DGKB: variants seen among roughly 807,000 people sequenced by gnomAD.
The protein encoded by DGKB is 90 kDa diacylglycerol kinase.
A neutral mutation model predicts 114.3 loss-of-function variants in DGKB; 67 were observed. The observed-to-expected ratio is 0.59, with a 90% CI of 0.48 to 0.72. DGKB has a LOEUF of 0.72. Ranked by LOEUF, DGKB falls within the 30% of genes least tolerant of loss-of-function variation. DGKB has a pLI of 0.00. For synonymous variants in DGKB, 398 were observed against 323.1 expected (o/e 1.23, Z -2.49); for missense variants, 907 against 975.2 (o/e 0.93, Z 0.93).
chr7:14,187,381 A>C (rs1248020676), intron 23 of DGKB, among the ~76,000 whole-genome samples: 1 of 152,088 alleles, frequency 6.6e-6, no homozygotes, highest in African/African-American at 2.4e-5. Context: ...CCTGACAGCC[A>C]GTCTGGGTGG....
At chr7:14,803,948 C>G (rs1177909542) in intron 2 of DGKB, among the ~76,000 whole-genome samples, 1 of 152,020 alleles carries the variant, frequency 6.6e-6, no homozygotes, top group Non-Finnish European at 1.5e-5. Flanking sequence ...TCTGTGGAAT[C>G]ATTATCCAGA....
chr7:14,184,604 C>T (rs935680774), intron 23 of DGKB, among the ~76,000 whole-genome samples: 1 of 152,030 alleles, frequency 6.6e-6, no homozygotes, highest in Non-Finnish European at 1.5e-5. Flanking sequence ...TCCCCATCCC[C>T]CATGCTGCAG....
intron 23 of DGKB, among the ~76,000 whole-genome samples, chr7:14,261,407 C>T (rs1207131731): frequency 6.6e-6 from 1 of 151,930 alleles, no homozygotes; most frequent in Non-Finnish European, 1.5e-5. Flanking sequence ...TAGATCATTC[C>T]AAGCAAATAC....
chr7:14,305,197 C>T (rs745899159), intron 23 of DGKB, among the ~76,000 whole-genome samples: 5 of 152,088 alleles, frequency 3.3e-5, no homozygotes, highest in African/African-American at 1.2e-4. Flanking sequence ...TAACTCTAGT[C>T]ACCCTACTGT....
At chr7:14,452,460 T>C (rs1831667922) in intron 21 of DGKB, among the ~76,000 whole-genome samples, 1 of 152,066 alleles carries the variant, frequency 6.6e-6, no homozygotes, top group Non-Finnish European at 1.5e-5. Flanking sequence ...ATGAAATATT[T>C]ATGCTTCATT....
chr7:14,764,809 CA>C (rs1836224512), intron 2 of DGKB, among the ~76,000 whole-genome samples: 1 of 151,520 alleles, frequency 6.6e-6, no homozygotes, highest in Non-Finnish European at 1.5e-5. Context: ...TATTTACTCT[CA>C]CCTTAGGTCA....
chr7:14,948,921 T>C (rs778234810), intron 1 of DGKB, among the ~76,000 whole-genome samples: 1 of 151,690 alleles, frequency 6.6e-6, no homozygotes, highest in Non-Finnish European at 1.5e-5. Context: ...AAGATTTGCA[T>C]TTAAAAAATC....
chr7:14,690,491 C>T (rs567119744), intron 9 of DGKB, among the ~76,000 whole-genome samples: 1 of 152,294 alleles, frequency 6.6e-6, no homozygotes, highest in Admixed American at 6.5e-5. Context: ...AAAACTTTTT[C>T]TGTTTTTTAA....
chr7:14,293,982 G>A (rs532838141), intron 23 of DGKB, among the ~76,000 whole-genome samples: 2 of 152,230 alleles, frequency 1.3e-5, no homozygotes, highest in African/African-American at 4.8e-5. Context: ...TTGTTCTGGA[G>A]TTCAAAAGTC....
At chr7:14,244,138 A>G (rs376359048) in intron 23 of DGKB, among the ~76,000 whole-genome samples, 1 of 152,098 alleles carries the variant, frequency 6.6e-6, no homozygotes, top group African/African-American at 2.4e-5. Flanking sequence ...GTGATTAGGG[A>G]AGACATAAAA....
At chr7:14,628,783 A>C (rs1207822740) in intron 14 of DGKB, among the ~76,000 whole-genome samples, 4 of 152,080 alleles carry the variant, frequency 2.6e-5, no homozygotes, top group African/African-American at 9.7e-5. Flanking sequence ...GGCTTAAGGA[A>C]ATTTTTGGAA....
At chr7:14,739,139 G>A (rs1400099645) in intron 4 of DGKB, among the ~76,000 whole-genome samples, 2 of 152,130 alleles carry the variant, frequency 1.3e-5, no homozygotes, top group African/African-American at 4.8e-5. Context: ...CAACCAAAAG[G>A]AAAAATGAAC....
intron 23 of DGKB, among the ~76,000 whole-genome samples, chr7:14,320,967 A>G (rs1807664392): frequency 6.6e-6 from 1 of 152,210 alleles, no homozygotes; most frequent in Non-Finnish European, 1.5e-5. Context: ...AGTTAGATTT[A>G]TTTAAGGAAT....
intron 23 of DGKB, among the ~76,000 whole-genome samples, chr7:14,219,327 C>A (rs982313145): frequency 6.6e-6 from 1 of 151,748 alleles, no homozygotes; most frequent in Middle Eastern, 3.2e-3. Flanking sequence ...CTATGTTTAG[C>A]CATTTGATAA....
intron 2 of DGKB, among the ~76,000 whole-genome samples, chr7:14,825,709 G>A (rs1478855057): frequency 6.6e-6 from 1 of 152,124 alleles, no homozygotes; most frequent in Non-Finnish European, 1.5e-5. Flanking sequence ...GTCAGTGGCA[G>A]GGGTATTGAG....
intron 21 of DGKB, among the ~76,000 whole-genome samples, chr7:14,394,453 T>C (rs1821918636): frequency 6.6e-6 from 1 of 152,168 alleles, no homozygotes; most frequent in Non-Finnish European, 1.5e-5. Context: ...GTTGCTTAAA[T>C]ATTTTTGTTC....
chr7:14,661,804 C>A (rs1286241356), intron 13 of DGKB, among the ~76,000 whole-genome samples: 1 of 151,950 alleles, frequency 6.6e-6, no homozygotes, highest in Non-Finnish European at 1.5e-5. Flanking sequence ...TGGAACCAAC[C>A]CAAATGTCCC....
At chr7:14,563,502 A>G (rs1047090811) in intron 20 of DGKB, among the ~76,000 whole-genome samples, 1 of 152,000 alleles carries the variant, frequency 6.6e-6, no homozygotes, top group Non-Finnish European at 1.5e-5. Flanking sequence ...CTTCCATTCC[A>G]TGATTTCTAT....
chr7:14,889,879 A>T (rs112211312), intron 1 of DGKB, among the ~76,000 whole-genome samples: 54 of 151,726 alleles, frequency 3.6e-4, no homozygotes, highest in African/African-American at 1.2e-3. Flanking sequence ...GTATTTCTGC[A>T]AAGTCAAAAT....
Sources: gnomAD v4.1 joint callset for allele counts (sites outside exome capture counted in the v4.1 genomes callset) on GRCh38, gnomAD v4.1.1 for gene constraint, MANE v1.5 for transcripts, NCBI Gene and HGNC (gene_info 2026-07-23, HGNC 2026-07-21) for gene names.